The following WDR7 variants were observed in gnomAD, a reference collection of about 807,000 sequenced individuals.
WDR7 encodes WD repeat-containing protein 7.
In WDR7, 46 loss-of-function variants were observed where a neutral mutation model predicts 169.4. The observed-to-expected ratio is 0.27, with a 90% CI of 0.21 to 0.35. The LOEUF is 0.35. Among genes scored for constraint, WDR7 ranks in the 10% least tolerant of loss-of-function variants. WDR7 has a pLI of 1.00. For synonymous variants in WDR7, 612 were observed against 666.8 expected, an observed-to-expected ratio of 0.92 and a Z score of 1.27; for missense variants, 1,534 against 1,859.3, an observed-to-expected ratio of 0.83 and a Z score of 3.22.
intron 27 of WDR7, among the ~76,000 whole-genome samples, 153 bp downstream of exon 27, chr18:57,021,002 G>A (rs7228654): frequency 5.3e-4 from 81 of 152,292 alleles, no homozygotes; most frequent in African/African-American, 1.9e-3. Flanking sequence ...CTGATGATGT[G>A]CCAGGCACTA....
intron 1 of WDR7, among the ~76,000 whole-genome samples, chr18:56,660,115 T>C (rs1010633466): frequency 6.6e-6 from 1 of 152,106 alleles, no homozygotes; most frequent in Admixed American, 6.6e-5. Context: ...CTAAAGATGA[T>C]TCTAGGATTT....
At chr18:56,969,565 T>C (rs1160405454) in intron 26 of WDR7, among the ~76,000 whole-genome samples, 3 of 152,188 alleles carry the variant, frequency 2.0e-5, no homozygotes, top group African/African-American at 7.2e-5. Context: ...TATTGAAATG[T>C]CTCACCGAGT....
intron 26 of WDR7, among the ~76,000 whole-genome samples, chr18:57,006,546 A>G (rs2048060706): frequency 6.6e-6 from 1 of 152,210 alleles, no homozygotes; most frequent in African/African-American, 2.4e-5. Context: ...TTAAAGATAC[A>G]AAGGTTTAAG....
In WDR7 at chr18:56,815,381, A is replaced by G. The variant is rs559147094; in HGVS notation, c.3191-650A>G. 1.1e-4 allele frequency among the ~76,000 whole-genome samples: 17 copies of G among 152,368 alleles called. No individual in the cohort carries two copies. In the South Asian group the frequency reaches 2.3e-3, roughly 20 times the overall value. ...TATGTATCATCAAAGATGAAATGAT[A>G]GATATGTAAGGAAAAGACATTTGTG... On this transcript the variant is annotated intron_variant, in intron 19 of 27. Coordinates refer to ENST00000254442, the MANE Select transcript of WDR7 (RefSeq NM_015285.3).
Position 56,779,420 on chromosome 18 carries a change from A to G in WDR7, c.2948-11A>G, listed in dbSNP as rs1377619480. ...GGTTAAAGAATTTGTAATATATTAC[A>G]TTTTTGACAGGTTGGAGTCAGTTAG... On this transcript the variant is annotated splice_polypyrimidine_tract_variant and intron_variant, in intron 17 of 27. Coordinates refer to ENST00000254442, the MANE Select transcript of WDR7 (RefSeq NM_015285.3). 5.7e-6 allele frequency: 9 copies of G among 1,590,090 alleles called. No individual in the cohort carries two copies. Among genetic ancestry groups the G allele is most frequent in the Middle Eastern group, 1.7e-4 (1 of 5,960 alleles).
At chr18:56,783,441 A>G (rs1422686249) in intron 19 of WDR7, among the ~76,000 whole-genome samples, 2 of 152,168 alleles carry the variant, frequency 1.3e-5, no homozygotes, top group Non-Finnish European at 2.9e-5. Context: ...GATCCCCAAA[A>G]TTAAGGACAA....
intron 14 of WDR7, among the ~76,000 whole-genome samples, chr18:56,744,089 G>A (rs1267386001): frequency 4.6e-5 from 7 of 151,714 alleles, no homozygotes; most frequent in East Asian, 3.9e-4. Context: ...AATACAAAAA[G>A]TTAGCTGGGC....
intron 19 of WDR7, among the ~76,000 whole-genome samples, chr18:56,812,013 G>A (rs911477835): frequency 6.6e-6 from 1 of 152,072 alleles, no homozygotes; most frequent in Non-Finnish European, 1.5e-5. Flanking sequence ...CTGGGATTTT[G>A]TTAGAAATTG....
chr18:56,962,738 AAG>A (rs2047355201), intron 26 of WDR7, among the ~76,000 whole-genome samples: 1 of 152,144 alleles, frequency 6.6e-6, no homozygotes, highest in Non-Finnish European at 1.5e-5. Context: ...AAGAGTTCAT[AAG>A]AGAGCCCAGA....
intron 21 of WDR7, among the ~76,000 whole-genome samples, chr18:56,888,073 T>C (rs2046219624): frequency 6.6e-6 from 1 of 152,206 alleles, no homozygotes; most frequent in African/African-American, 2.4e-5. Context: ...CTAATGTAGT[T>C]AGAGGCATAG....
At chr18:56,778,682 A>G (rs928905366) in intron 17 of WDR7, among the ~76,000 whole-genome samples, 6 of 152,192 alleles carry the variant, frequency 3.9e-5, no homozygotes, top group Non-Finnish European at 7.3e-5. Flanking sequence ...ACTGGCATAC[A>G]GTGTTTGTCT....
intron 17 of WDR7, 87 bp downstream of exon 17, chr18:56,776,967 C>T (rs982017223): frequency 2.4e-6 from 3 of 1,246,798 alleles, no homozygotes; most frequent in Admixed American, 1.7e-5. Flanking sequence ...ACACATTCAT[C>T]TGCTTTGTTA....
chr18:56,868,687 G>A (rs1251874179), intron 20 of WDR7, among the ~76,000 whole-genome samples: 1 of 152,036 alleles, frequency 6.6e-6, no homozygotes, highest in African/African-American at 2.4e-5. Flanking sequence ...TTTCAGATTT[G>A]TATAATTTTA....
intron 1 of WDR7, among the ~76,000 whole-genome samples, chr18:56,670,386 G>A (rs930024679): frequency 3.3e-5 from 5 of 152,164 alleles, no homozygotes; most frequent in African/African-American, 9.7e-5. Context: ...AAGCCAGGCA[G>A]TATGTACTGA....
intron 14 of WDR7, among the ~76,000 whole-genome samples, chr18:56,737,496 G>A (rs1466965495): frequency 6.6e-6 from 1 of 152,186 alleles, no homozygotes; most frequent in Admixed American, 6.5e-5. Context: ...AAATGATGAG[G>A]TTGAGGAAGT....
intron 19 of WDR7, among the ~76,000 whole-genome samples, chr18:56,802,245 C>T (rs375177861): frequency 6.6e-6 from 1 of 152,016 alleles, no homozygotes; most frequent in South Asian, 2.1e-4. Flanking sequence ...TATTTGCCAT[C>T]CATATGTCCA....
chr18:56,782,520 T>C (rs953400914), intron 19 of WDR7, among the ~76,000 whole-genome samples: 2 of 152,126 alleles, frequency 1.3e-5, no homozygotes, highest in African/African-American at 2.4e-5. Context: ...TACCCTAAAT[T>C]ATATTCATTG....
chr18:56,765,831 T>G (rs2044056987), intron 16 of WDR7, among the ~76,000 whole-genome samples: 1 of 152,056 alleles, frequency 6.6e-6, no homozygotes, highest in Non-Finnish European at 1.5e-5. Context: ...TTTATTTATT[T>G]AAGTTCTGGG....
intron 1 of WDR7, among the ~76,000 whole-genome samples, chr18:56,659,283 A>G (rs1197984184): frequency 6.6e-6 from 1 of 152,218 alleles, no homozygotes; most frequent in Non-Finnish European, 1.5e-5. Context: ...TGCCCTGTGA[A>G]ATCCAAAACA....
Sources: gnomAD v4.1 joint callset for allele counts (sites outside exome capture counted in the v4.1 genomes callset) on GRCh38, gnomAD v4.1.1 for gene constraint, MANE v1.5 for transcripts, NCBI Gene and HGNC (gene_info 2026-07-23, HGNC 2026-07-21) for gene names.